MTBP: variants seen among roughly 807,000 people sequenced by gnomAD.
MTBP encodes the protein MDM2 binding protein.
In MTBP, 101 loss-of-function variants were observed where a neutral mutation model predicts 117.0. The observed-to-expected ratio is 0.86, with a 90% CI of 0.73 to 1.02. The LOEUF (loss-of-function observed/expected upper bound fraction) is 1.02. MTBP is among the 50% of genes least tolerant of loss of function. MTBP has a pLI of 0.00. For missense variants in MTBP, 970 were observed against 1,030.9 expected (o/e 0.94, Z 0.81); for synonymous variants, 350 against 351.5 (o/e 1.00, Z 0.05).
At chr8:120,461,951 C>T (rs1813589732) in intron 9 of MTBP, among the ~76,000 whole-genome samples, 1 of 152,082 alleles carries the variant, frequency 6.6e-6, no homozygotes, top group South Asian at 2.1e-4. Context: ...ATTGAAAGTT[C>T]TTTGCTGCAG....
At chr8:120,453,643 G>A (rs565190511) in intron 4 of MTBP, among the ~76,000 whole-genome samples, 2 of 147,892 alleles carry the variant, frequency 1.4e-5, no homozygotes, top group African/African-American at 2.5e-5. Flanking sequence ...TACTAATTAT[G>A]TAACTTTAGG....
intron 11 of MTBP, among the ~76,000 whole-genome samples, chr8:120,480,678 A>G (rs1346289832): frequency 1.3e-5 from 2 of 152,260 alleles, no homozygotes; most frequent in Middle Eastern, 3.4e-3. Context: ...ATGCATATGT[A>G]AAAATTATGT....
At chr8:120,474,719 T>C (rs1403062580) in intron 11 of MTBP, among the ~76,000 whole-genome samples, 1 of 152,036 alleles carries the variant, frequency 6.6e-6, no homozygotes, top group Admixed American at 6.6e-5. Context: ...ACAGCAGATA[T>C]TGTGTATCAA....
rs187923692 is a variant in MTBP at position 120,476,807 on chromosome 8, C to T, written c.1165+5870C>T. On this transcript the variant is annotated intron_variant, in intron 11 of 21. Transcript: ENST00000305949. Reference sequence around the variant, plus strand: ...GCTCATAGATAGGTAGAATCAATACCGTGAAAATGGCCTTACTGCCCAAAG... The same window carrying T: ...GCTCATAGATAGGTAGAATCAATACTGTGAAAATGGCCTTACTGCCCAAAG... Among the ~76,000 whole-genome samples, 861 of 152,152 alleles carry T rather than the reference C, an allele frequency of 5.7e-3. 14 individuals carry two copies. Among genetic ancestry groups the T allele is most frequent in the African/African-American group, 0.02 (811 of 41,526 alleles).
At chr8:120,492,908 G>A (rs965637071) in intron 13 of MTBP, among the ~76,000 whole-genome samples, 5 of 151,850 alleles carry the variant, frequency 3.3e-5, no homozygotes, top group Admixed American at 2.0e-4. Flanking sequence ...TTTGTATTTG[G>A]AAATATTAAA....
chr8:120,455,699 A>G lies in MTBP; in HGVS notation c.629+120A>G, dbSNP rs1383650775. Reference sequence around the variant, plus strand: ...TTTTAATATGACAACATAAAATTCTATGTTATACCATGATTGCAAATTTGT... The same window carrying G: ...TTTTAATATGACAACATAAAATTCTGTGTTATACCATGATTGCAAATTTGT... On this transcript the variant is annotated intron_variant, in intron 6 of 21. Transcript: ENST00000305949. 33 of 894,136 alleles carry G rather than the reference A, an allele frequency of 3.7e-5. No homozygotes were observed. In the Middle Eastern group the frequency reaches 9.2e-4, roughly 25 times the overall value. The allele number at this position is 894,136 out of a possible 1,614,324, so 55.4% of individuals were successfully genotyped here.
At chr8:120,512,203 A>C (rs1014622101) in intron 17 of MTBP, among the ~76,000 whole-genome samples, 3 of 152,178 alleles carry the variant, frequency 2.0e-5, no homozygotes, top group Non-Finnish European at 4.4e-5. Context: ...TTCACTGTTG[A>C]GAAAATGTGC....
At position 120,461,189 on chromosome 8, in the gene MTBP, A is replaced by T; in HGVS notation, c.911A>T (p.Glu304Val). 1.2e-6 allele frequency: 2 copies of T among 1,603,126 alleles called. No homozygotes were observed. The highest frequency in any genetic ancestry group is 1.7e-6 in the Non-Finnish European group (2 of 1,171,338). Residue 304 changes from glutamate (E) to valine (V), a missense_variant, in exon 9 of 22, where the codon GAA becomes GTA. By Grantham distance (121) the Glu-to-Val change is moderately radical. Coordinates refer to ENST00000305949, the MANE Select transcript of MTBP (RefSeq NM_022045.5). ...TTCCATTATTATGGCCCTGCTTTAG[A>T]ATTTGTGCAGATGATAAAATTATCA... The part of the protein sequence containing the change: ...KVFHYYGPAL[E>V]FVQMIKLSDL...
At chr8:120,462,520 G>A (rs991442215) in intron 9 of MTBP, among the ~76,000 whole-genome samples, 1 of 152,032 alleles carries the variant, frequency 6.6e-6, no homozygotes, top group Non-Finnish European at 1.5e-5. Flanking sequence ...AGCATAATAG[G>A]TAGTTTAAAA....
At chr8:120,466,570 G>A (rs1477808584) in intron 10 of MTBP, among the ~76,000 whole-genome samples, 1 of 151,440 alleles carries the variant, frequency 6.6e-6, no homozygotes, top group African/African-American at 2.4e-5. Context: ...TTGAAATCTA[G>A]TGCTTTATAA....
At chr8:120,509,251 A>T (rs1814751350) in intron 16 of MTBP, among the ~76,000 whole-genome samples, 1 of 152,216 alleles carries the variant, frequency 6.6e-6, no homozygotes, top group African/African-American at 2.4e-5. Context: ...GCAGAAAAGG[A>T]TTTAACTAAA....
intron 7 of MTBP, among the ~76,000 whole-genome samples, chr8:120,458,568 G>A (rs917598134): frequency 6.6e-5 from 10 of 152,048 alleles, no homozygotes; most frequent in African/African-American, 9.6e-5. Flanking sequence ...AGCCAGGTGC[G>A]GTGGCTCACA....
chr8:120,523,279 A>T lies in MTBP; in HGVS notation c.2677-19A>T, dbSNP rs1432560668. On this transcript the variant is annotated intron_variant, in intron 21 of 21. Coordinates refer to ENST00000305949, the MANE Select transcript of MTBP (RefSeq NM_022045.5). ...TTTTCAAGAGAAATCTTCTGTAATC[A>T]TATTTTTTCTCCCCCTAGGTGATTG... 1.3e-6 allele frequency: 2 copies of T among 1,504,372 alleles called. No homozygotes were observed. Among genetic ancestry groups the T allele is most frequent in the Non-Finnish European group, 1.8e-6 (2 of 1,105,550 alleles). The allele number at this position is 1,504,372 out of a possible 1,614,324, so 93.2% of individuals were successfully genotyped here. A position where few individuals can be genotyped will look rare whatever the true frequency, so the allele number is the denominator to read the frequency against.
chr8:120,506,628 C>CTT (rs369783487), intron 15 of MTBP, 78 bp from the exon 16 acceptor site: 238 of 986,236 alleles, frequency 2.4e-4, no homozygotes, highest in South Asian at 2.9e-4. Flanking sequence ...CCCGACTGTG[C>CTT]TTTTTTTTTT....
chr8:120,511,781 C>G (rs1814815023), intron 17 of MTBP, among the ~76,000 whole-genome samples: 1 of 152,076 alleles, frequency 6.6e-6, no homozygotes, highest in Non-Finnish European at 1.5e-5. Context: ...TTCCTTATTA[C>G]TACCTAACTG....
chr8:120,466,021 C>T (rs1236868815), intron 10 of MTBP, among the ~76,000 whole-genome samples: 1 of 151,892 alleles, frequency 6.6e-6, no homozygotes, highest in Non-Finnish European at 1.5e-5. Context: ...ATTTTTTCTT[C>T]TCAAACCATG....
chr8:120,519,687 A>G (rs1340548871), intron 20 of MTBP, among the ~76,000 whole-genome samples: 1 of 152,144 alleles, frequency 6.6e-6, no homozygotes. Context: ...GAAAAGAGTT[A>G]CAATTTAATT....
chr8:120,472,135 C>T (rs898286252), intron 11 of MTBP: 2 of 152,062 alleles, frequency 1.3e-5, no homozygotes, highest in African/African-American at 4.8e-5. Context: ...ATGAAGAAAT[C>T]TGTAGAAATA....
At chr8:120,498,330 C>G (rs1003159967) in intron 14 of MTBP, among the ~76,000 whole-genome samples, 70 of 152,312 alleles carry the variant, frequency 4.6e-4, no homozygotes, top group African/African-American at 1.6e-3. Context: ...TTTGTTTTAT[C>G]ATTATCATCA....
Sources: allele counts gnomAD v4.1 joint callset (sites outside exome capture counted in the v4.1 genomes callset), GRCh38; gene constraint gnomAD v4.1.1; transcripts MANE v1.5; gene names NCBI Gene and HGNC (gene_info 2026-07-23, HGNC 2026-07-21).